Variants in KLHL18 observed in about 807,000 individuals in gnomAD.
KLHL18 encodes kelch like family member 18.
KLHL18 carries 38 observed loss-of-function variants against 58.5 expected under a neutral mutation model. The observed-to-expected ratio is 0.65, with a 90% CI of 0.50 to 0.85. The LOEUF (loss-of-function observed/expected upper bound fraction) is 0.85. Ranked by LOEUF, KLHL18 falls within the 40% of genes least tolerant of loss-of-function variation. The probability of loss-of-function intolerance (pLI) is 0.00; values close to 1 mark genes in which losing one functional copy is unlikely to be tolerated. For synonymous variants in KLHL18, 303 were observed against 301.9 expected (o/e 1.00, Z -0.04); for missense variants, 624 against 778.4 (o/e 0.80, Z 2.36).
At chr3:47,284,500 T>C (rs1702619422) in intron 1 of KLHL18, among the ~76,000 whole-genome samples, 1 of 151,872 alleles carries the variant, frequency 6.6e-6, no homozygotes, top group South Asian at 2.1e-4. Context: ...TACCCCTGGC[T>C]AATTTTTTCT....
intron 1 of KLHL18, among the ~76,000 whole-genome samples, chr3:47,296,253 C>T (rs1426427382): frequency 6.6e-6 from 1 of 152,176 alleles, no homozygotes; most frequent in Non-Finnish European, 1.5e-5. Context: ...TTTTGTTCCC[C>T]TCTAGATGTT....
intron 9 of KLHL18, 32 bp from the exon 10 acceptor site, chr3:47,343,523 G>C (rs775259391): frequency 1.9e-5 from 30 of 1,611,656 alleles, no homozygotes; most frequent in African/African-American, 4.0e-5. Flanking sequence ...GCCTCTGACT[G>C]TCCTGTACCT....
intron 3 of KLHL18, among the ~76,000 whole-genome samples, chr3:47,323,130 C>T (rs924987802): frequency 2.6e-5 from 4 of 151,914 alleles, no homozygotes; most frequent in Non-Finnish European, 5.9e-5. Context: ...GCTCTGTCAC[C>T]CAGGCTGGAG....
chr3:47,344,233 TC>T lies in KLHL18; in HGVS notation c.*294del. On this transcript the variant is annotated 3_prime_UTR_variant, in exon 10 of 10. Transcript: ENST00000232766. ...AACACAGGCTCCATCCAGGCCCAGC[TC>T]CTACCCACCGCCTCTCTGTGGGCCA... The T allele has an allele frequency of 2.3e-6, 1 of 434,062 alleles. No individual in the cohort carries two copies. 26.9% of individuals were successfully genotyped at this position (434,062 alleles called of 1,614,324 possible).
rs1448761404 is a variant in KLHL18, at chr3:47,316,499, A to ATGTATATGTG, written c.130-3147_130-3146insGTGTGTATAT. ...TATATATATACATATATACATATAT[A>ATGTATATGTG]TGTATATATATACATATATACATAT... is the stretch of plus-strand genomic sequence containing the variant. On this transcript the variant is annotated intron_variant, in intron 1 of 9. Coordinates refer to ENST00000232766, the MANE Select transcript of KLHL18 (RefSeq NM_025010.5). 2.4e-3 allele frequency among the ~76,000 whole-genome samples: 11 copies of ATGTATATGTG among 4,618 alleles called. 5 individuals carry two copies. The highest frequency in any genetic ancestry group is 0.33 in the South Asian group (2 of 6). The allele number at this position is 4,618 out of a possible 152,430, so 3.0% of individuals were successfully genotyped here. A position where few individuals can be genotyped will look rare whatever the true frequency, so the allele number is the denominator to read the frequency against.
chr3:47,339,928 A>G (rs1002718180), intron 7 of KLHL18, among the ~76,000 whole-genome samples: 1 of 152,122 alleles, frequency 6.6e-6, no homozygotes. Context: ...CACACCTGTA[A>G]TCCCAGCTAC....
intron 7 of KLHL18, chr3:47,337,928 A>AT (rs1359252857): frequency 1.3e-5 from 2 of 152,062 alleles, no homozygotes; most frequent in Non-Finnish European, 2.9e-5. Flanking sequence ...GCTCTGGACC[A>AT]CTTCCTTGCT....
intron 1 of KLHL18, among the ~76,000 whole-genome samples, chr3:47,300,902 G>A (rs1703011527): frequency 6.6e-6 from 1 of 152,094 alleles, no homozygotes. Flanking sequence ...GCTTCCCAAA[G>A]TGCTGGGATT....
At chr3:47,306,435 T>G (rs1559491207) in intron 1 of KLHL18, among the ~76,000 whole-genome samples, 2 of 152,212 alleles carry the variant, frequency 1.3e-5, no homozygotes, top group Non-Finnish European at 2.9e-5. Flanking sequence ...CCCTTGGGGA[T>G]TTTACATTGT....
chr3:47,324,298 C>CTTTTCTTTTTTTTTTTTTTTTTTT (rs1703660085), intron 3 of KLHL18, among the ~76,000 whole-genome samples: 1 of 37,486 alleles, frequency 2.7e-5, no homozygotes, highest in East Asian at 8.9e-4. Flanking sequence ...TTCTTTCTTT[C>CTTTTCTTTTTTTTTTTTTTTTTTT]TTTTTTTTTT....
chr3:47,286,711 G>A (rs1702683277), intron 1 of KLHL18, among the ~76,000 whole-genome samples: 1 of 152,240 alleles, frequency 6.6e-6, no homozygotes, highest in African/African-American at 2.4e-5. Context: ...TGATGGACCT[G>A]TCGTTTTTCT....
chr3:47,324,779 G>C (rs1436410791), intron 3 of KLHL18, among the ~76,000 whole-genome samples: 1 of 152,152 alleles, frequency 6.6e-6, no homozygotes, highest in African/African-American at 2.4e-5. Flanking sequence ...CAAGGCTGCA[G>C]TGAGTTACAA....
chr3:47,328,453 G>A (rs1703776213), intron 3 of KLHL18, among the ~76,000 whole-genome samples: 1 of 152,092 alleles, frequency 6.6e-6, no homozygotes, highest in South Asian at 2.1e-4. Context: ...CCTAAGAGGT[G>A]GGTAGCTGTT....
chr3:47,334,850 C>T lies in KLHL18; in HGVS notation c.898+31C>T. ...TTGCGGCTCCCCTTTATAGACCCTC[C>T]TCTTGGACTCCATGGATGAGGAAGC... On this transcript the variant is annotated intron_variant, in intron 6 of 9. Coordinates refer to ENST00000232766, the MANE Select transcript of KLHL18 (RefSeq NM_025010.5). The surrounding 1 kb of genome is among the most constrained non-coding windows in gnomAD (Gnocchi z 4.7). 1 of 1,583,638 alleles carries T rather than the reference C, an allele frequency of 6.3e-7. No individual in the cohort carries two copies. The highest frequency in any genetic ancestry group is 1.1e-5 in the South Asian group (1 of 88,050).
In KLHL18 at chr3:47,343,227, A is replaced by G. The variant is rs1704148680; in HGVS notation, c.1339-328A>G. Among the ~76,000 whole-genome samples the G allele has an allele frequency of 2.0e-5, 3 of 152,356 alleles. No homozygotes were observed. In the South Asian group the frequency reaches 6.2e-4, roughly 32 times the overall value. The stretch of plus-strand genomic sequence containing the variant: ...AACAGCCATTTACTAGTCATTCCAT[A>G]GTCAGTCAGTGCTGCAGTGGAGAGC... On this transcript the variant is annotated intron_variant, in intron 9 of 9. Transcript: ENST00000232766.
chr3:47,339,803 TA>T (rs36026449), intron 7 of KLHL18, among the ~76,000 whole-genome samples: 145,750 of 152,082 alleles, frequency 0.96, 70,167 homozygotes, highest in East Asian at 1. Context: ...GGCTCACTCT[TA>T]ACAATCCCAG....
At chr3:47,301,772 G>A (rs565754331) in intron 1 of KLHL18, among the ~76,000 whole-genome samples, 2 of 152,256 alleles carry the variant, frequency 1.3e-5, no homozygotes, top group African/African-American at 4.8e-5. Flanking sequence ...AACATAAACA[G>A]TCAATTAACT....
At position 47,343,948 on chromosome 3, in the gene KLHL18, G is replaced by C; in HGVS notation, c.*7G>C. ...CCCTCTCCTCACCATCTAAGGCAGA[G>C]GATGGGATGTGGTGGGGCAGGGATC... On this transcript the variant is annotated 3_prime_UTR_variant, in exon 10 of 10. Transcript: ENST00000232766. 1 of 1,612,110 alleles carries C rather than the reference G, an allele frequency of 6.2e-7. No individual in the cohort carries two copies. Among genetic ancestry groups the C allele is most frequent in the Non-Finnish European group, 8.5e-7 (1 of 1,179,892 alleles).
chr3:47,323,814 C>T (rs1703643758), intron 3 of KLHL18, among the ~76,000 whole-genome samples: 1 of 152,096 alleles, frequency 6.6e-6, no homozygotes, highest in Admixed American at 6.6e-5. Flanking sequence ...TCAGATCTGC[C>T]CTCCGAACCT....
Sources: gnomAD v4.1 joint callset for allele counts (sites outside exome capture counted in the v4.1 genomes callset) on GRCh38, gnomAD v4.1.1 for gene constraint, Gnocchi (gnomAD v3.1) non-coding constraint, MANE v1.5 for transcripts, NCBI Gene and HGNC (gene_info 2026-07-23, HGNC 2026-07-21) for gene names.